CPNE8: variants seen among roughly 807,000 people sequenced by gnomAD.
The protein encoded by CPNE8 is copine-8.
Under a neutral mutation model 81.5 loss-of-function variants are expected in CPNE8, and 45 were observed. That is an observed-to-expected ratio of 0.55 (90% CI 0.44 to 0.71). CPNE8 has a LOEUF of 0.71. Ranked by LOEUF, CPNE8 falls within the 30% of genes least tolerant of loss-of-function variation. CPNE8 has a pLI of 0.00. For missense variants in CPNE8, 594 were observed against 672.1 expected (o/e 0.88, Z 1.28); for synonymous variants, 252 against 226.3 (o/e 1.11, Z -1.02).
intron 3 of CPNE8, among the ~76,000 whole-genome samples, chr12:38,849,624 T>A (rs1402023369): frequency 6.6e-6 from 1 of 152,190 alleles, no homozygotes; most frequent in Non-Finnish European, 1.5e-5. Flanking sequence ...TACAAAATAT[T>A]GATGACATAG....
chr12:38,892,151 G>C (rs933973016), intron 1 of CPNE8, among the ~76,000 whole-genome samples: 1 of 152,198 alleles, frequency 6.6e-6, no homozygotes, highest in African/African-American at 2.4e-5. Context: ...CTGTAGGAAA[G>C]TGTCAACAAG....
Position 38,677,678 on chromosome 12 carries a change from A to G in CPNE8, c.1272-124T>C. The stretch of plus-strand genomic sequence containing the variant: ...TAAAATATTTGAACATGTTAGAGGT[A>G]TATCTTATGCAAACTTTCAAATACA... On this transcript the variant is annotated intron_variant, in intron 16 of 19. Coordinates refer to ENST00000331366, the MANE Select transcript of CPNE8 (RefSeq NM_153634.3). 6 of 635,484 alleles carry G rather than the reference A, an allele frequency of 9.4e-6. No homozygotes were observed. The Admixed American group carries it at 1.2e-4, about 13-fold the overall frequency. 39.4% of individuals were successfully genotyped at this position (635,484 alleles called of 1,614,324 possible).
At chr12:38,654,137 C>A (rs1028395741) in intron 19 of CPNE8, 67 bp from the exon 20 acceptor site, 2 of 1,494,250 alleles carry the variant, frequency 1.3e-6, no homozygotes, top group Non-Finnish European at 1.8e-6. Context: ...CACAAAAAAT[C>A]AACACATGTA....
chr12:38,733,700 T>C (rs1940888718), intron 10 of CPNE8, among the ~76,000 whole-genome samples: 1 of 151,984 alleles, frequency 6.6e-6, no homozygotes, highest in Non-Finnish European at 1.5e-5. Flanking sequence ...ATGTATGTGT[T>C]ATTTAAAGTC....
At chr12:38,672,674 T>G (rs1472268557) in intron 18 of CPNE8, among the ~76,000 whole-genome samples, 1 of 152,218 alleles carries the variant, frequency 6.6e-6, no homozygotes, top group African/African-American at 2.4e-5. Flanking sequence ...GCCTTTTAAG[T>G]ATAAAGAAAT....
chr12:38,763,671 A>G (rs538457992), intron 8 of CPNE8, among the ~76,000 whole-genome samples: 73 of 152,286 alleles, frequency 4.8e-4, no homozygotes, highest in Admixed American at 3.3e-3. Context: ...TAAGACATCA[A>G]TCAGCTCCTG....
In CPNE8 at chr12:38,822,576, T is replaced by G. The variant is rs1320723843; in HGVS notation, c.407+6803A>C. On this transcript the variant is annotated intron_variant, in intron 6 of 19. Coordinates refer to ENST00000331366, the MANE Select transcript of CPNE8 (RefSeq NM_153634.3). ...ACTTACAATAATACTCTTAAATGAG[T>G]GTTATTCAGATATTTCAGATGAGGA... Among the ~76,000 whole-genome samples, 4 of 152,146 alleles carry G rather than the reference T, an allele frequency of 2.6e-5. No homozygotes were observed. In the East Asian group the frequency reaches 7.7e-4, roughly 29 times the overall value.
intron 12 of CPNE8, 132 bp downstream of exon 12, chr12:38,724,714 C>T: frequency 1.7e-6 from 1 of 585,636 alleles, no homozygotes; most frequent in Non-Finnish European, 2.9e-6. Flanking sequence ...TATTGTGTTC[C>T]TTCATATTAA....
intron 3 of CPNE8, among the ~76,000 whole-genome samples, chr12:38,866,520 A>T (rs1355143444): frequency 6.6e-6 from 1 of 152,222 alleles, no homozygotes; most frequent in Non-Finnish European, 1.5e-5. Flanking sequence ...TGTATGTTTC[A>T]TCATAGTATT....
intron 16 of CPNE8, among the ~76,000 whole-genome samples, chr12:38,680,958 T>G (rs1303552246): frequency 1.3e-5 from 2 of 151,820 alleles, no homozygotes; most frequent in African/African-American, 4.8e-5. Context: ...TAGAAACTGA[T>G]AGATCCCCCT....
intron 13 of CPNE8, among the ~76,000 whole-genome samples, chr12:38,714,412 T>C (rs954342995): frequency 6.6e-6 from 1 of 151,978 alleles, no homozygotes; most frequent in African/African-American, 2.4e-5. Flanking sequence ...TTATTTTTAA[T>C]AAGTAAAGAC....
chr12:38,784,059 T>C (rs570999462), intron 6 of CPNE8, among the ~76,000 whole-genome samples: 5 of 152,272 alleles, frequency 3.3e-5, no homozygotes, highest in South Asian at 4.1e-4. Flanking sequence ...AACAGAGATA[T>C]GTGAGCATAC....
At chr12:38,823,946 C>T (rs911955928) in intron 6 of CPNE8, among the ~76,000 whole-genome samples, 8 of 152,036 alleles carry the variant, frequency 5.3e-5, no homozygotes, top group African/African-American at 1.9e-4. Context: ...AAGAGAGGAG[C>T]CGATGAGTCA....
chr12:38,904,329 C>T lies in CPNE8; in HGVS notation c.98+1108G>A, dbSNP rs550395416. On this transcript the variant is annotated intron_variant, in intron 1 of 19. Coordinates refer to ENST00000331366, the MANE Select transcript of CPNE8 (RefSeq NM_153634.3). ...AAATTAGTGGCCAGTACCAATTTAGCACCATCGCTCATCTCCTTCTCAAAA... is the reference window on the plus strand; with the variant it reads ...AAATTAGTGGCCAGTACCAATTTAGTACCATCGCTCATCTCCTTCTCAAAA... Among the ~76,000 whole-genome samples, 9 of 152,270 alleles carry T rather than the reference C, an allele frequency of 5.9e-5. 1 individual carries two copies. The South Asian group carries it at 1.9e-3, about 32-fold the overall frequency.
rs779548401 is a variant in CPNE8 at position 38,872,984 on chromosome 12, T to A, written c.186+20A>T. The A allele has an allele frequency of 2.1e-5, 30 of 1,406,364 alleles. No homozygotes were observed. Among genetic ancestry groups the A allele is most frequent in the East Asian group, 1.2e-4 (5 of 43,470 alleles). 87.1% of individuals were successfully genotyped at this position (1,406,364 alleles called of 1,614,324 possible). ...GTATCTTCAAGCCCAGTGATTTTTT[T>A]AAAAAAGTTTTAAACTTACCTCTCT... On this transcript the variant is annotated intron_variant, in intron 3 of 19. Transcript: ENST00000331366.
At chr12:38,784,412 T>C (rs1345139883) in intron 6 of CPNE8, among the ~76,000 whole-genome samples, 1 of 152,058 alleles carries the variant, frequency 6.6e-6, no homozygotes, top group East Asian at 1.9e-4. Context: ...CTACTGGCCT[T>C]TTAAAAAGGA....
At chr12:38,799,886 A>G (rs1942613158) in intron 6 of CPNE8, among the ~76,000 whole-genome samples, 1 of 151,800 alleles carries the variant, frequency 6.6e-6, no homozygotes, top group African/African-American at 2.4e-5. Context: ...GAGTCAAAGA[A>G]AGGTGTGACT....
intron 1 of CPNE8, among the ~76,000 whole-genome samples, chr12:38,893,137 A>G (rs959357833): frequency 1.3e-5 from 2 of 152,234 alleles, no homozygotes; most frequent in African/African-American, 4.8e-5. Context: ...TTTGGAGGAA[A>G]TTAAGGTTTT....
chr12:38,694,073 T>C (rs1378880133), intron 14 of CPNE8, among the ~76,000 whole-genome samples: 1 of 151,990 alleles, frequency 6.6e-6, no homozygotes, highest in African/African-American at 2.4e-5. Context: ...TTTTCAGAAA[T>C]GATTCTTATT....
Sources: gnomAD v4.1 joint callset for allele counts (sites outside exome capture counted in the v4.1 genomes callset) on GRCh38, gnomAD v4.1.1 for gene constraint, MANE v1.5 for transcripts, NCBI Gene and HGNC (gene_info 2026-07-23, HGNC 2026-07-21) for gene names.